The following RPA1 variants were observed in gnomAD, a reference collection of about 807,000 sequenced individuals.
RPA1 encodes the protein replication protein A1.
In RPA1, 49 loss-of-function variants were observed where a neutral mutation model predicts 83.0. That is an observed-to-expected ratio of 0.59 (90% confidence interval 0.47 to 0.75). RPA1 has a LOEUF of 0.75. RPA1 is among the 30% of genes least tolerant of loss of function. The pLI is 0.00. For synonymous variants in RPA1, 279 were observed against 281.8 expected, an observed-to-expected ratio of 0.99 and a Z score of 0.10; for missense variants, 693 against 776.1, an observed-to-expected ratio of 0.89 and a Z score of 1.27.
chr17:1,853,853 C>G (rs1238281325), intron 5 of RPA1, among the ~76,000 whole-genome samples: 24 of 152,188 alleles, frequency 1.6e-4, no homozygotes, highest in Admixed American at 1.6e-3. Context: ...AGCATGCAGT[C>G]TATACTCCTG....
intron 1 of RPA1, among the ~76,000 whole-genome samples, chr17:1,832,984 T>A (rs1421025057): frequency 1.3e-5 from 2 of 152,206 alleles, no homozygotes; most frequent in African/African-American, 4.8e-5. Flanking sequence ...TGGAGTGCAG[T>A]GGCACATTCT....
chr17:1,859,657 A>G (rs1912864366), intron 5 of RPA1, among the ~76,000 whole-genome samples: 1 of 152,090 alleles, frequency 6.6e-6, no homozygotes, highest in Non-Finnish European at 1.5e-5. Flanking sequence ...TAGAGACAAC[A>G]TCTTGCTCTG....
In RPA1 at chr17:1,859,786, A is replaced by G. The variant is rs148821523; in HGVS notation, c.361+6597A>G. 1.5e-4 allele frequency among the ~76,000 whole-genome samples: 23 copies of G among 151,974 alleles called. No homozygotes were observed. In the East Asian group the frequency reaches 4.3e-3, roughly 28 times the overall value. On this transcript the variant is annotated intron_variant, in intron 5 of 16. Coordinates refer to ENST00000254719, the MANE Select transcript of RPA1 (RefSeq NM_002945.5). Reference sequence around the variant, plus strand: ...GCTGGGACTACAGGCATGTGCCACCACGCCCAGCTAATTTTATTTTGTTTT... The same window carrying G: ...GCTGGGACTACAGGCATGTGCCACCGCGCCCAGCTAATTTTATTTTGTTTT...
intron 15 of RPA1, among the ~76,000 whole-genome samples, chr17:1,893,209 C>G (rs1399695655): frequency 6.6e-6 from 1 of 152,150 alleles, no homozygotes; most frequent in Non-Finnish European, 1.5e-5. Context: ...TTTACCTGGT[C>G]TTCAATTTTC....
rs1209155992 is a variant in RPA1 at position 1,874,582 on chromosome 17, G to A, written c.455-1079G>A. On this transcript the variant is annotated intron_variant, in intron 6 of 16. Coordinates refer to ENST00000254719, the MANE Select transcript of RPA1 (RefSeq NM_002945.5). ...TGAACTGGATGTGTACTGAGGAGAA[G>A]CTACCCAGCATGAAATAGATTGGAT... is the stretch of plus-strand genomic sequence containing the variant. 3.9e-5 allele frequency among the ~76,000 whole-genome samples: 6 copies of A among 152,198 alleles called. No individual in the cohort carries two copies. The South Asian group carries it at 1.2e-3, about 31-fold the overall frequency.
chr17:1,830,255 G>A, intron 1 of RPA1, 129 bp downstream of exon 1: 1 of 624,812 alleles, frequency 1.6e-6, no homozygotes, highest in Non-Finnish European at 2.3e-6. Flanking sequence ...GGCGGGGGGC[G>A]GTGGGGACCC....
At position 1,879,038 on chromosome 17, in the gene RPA1, T is replaced by C; in HGVS notation, c.736T>C (p.Phe246Leu). Residue 246 changes from phenylalanine (F) to leucine (L), a missense_variant, in exon 9 of 17, where the codon TTT becomes CTT. By Grantham distance (22) the Phe-to-Leu change is conservative. Coordinates refer to ENST00000254719, the MANE Select transcript of RPA1 (RefSeq NM_002945.5). ...TTTCAATGAGCAAGTGGACAAGTTC[T>C]TTCCTCTTATTGAAGTGAACAAGGT... ...TAFNEQVDKF[F>L]PLIEVNKVYY... is the part of the protein sequence containing the mutation. The C allele has an allele frequency of 2.5e-6, 4 of 1,614,228 alleles. No individual in the cohort carries two copies. Among genetic ancestry groups the C allele is most frequent in the South Asian group, 1.1e-5 (1 of 91,078 alleles).
At position 1,888,705 on chromosome 17, in the gene RPA1, G is replaced by A. The variant is rs1914088660; in HGVS notation, c.1405G>A (p.Val469Met). The A allele has an allele frequency of 6.2e-7, 1 of 1,613,998 alleles. No homozygotes were observed. The highest frequency in any genetic ancestry group is 1.1e-5 in the South Asian group (1 of 91,078). Reference sequence around the variant, plus strand: ...CTACTTTAGTTCTGTGGCCACAGTGGTGTATCTTCGCAAAGAGAACTGCAT... The same window carrying A: ...CTACTTTAGTTCTGTGGCCACAGTGATGTATCTTCGCAAAGAGAACTGCAT... ...PDYFSSVATV[V>M]YLRKENCMYQ... The change falls in exon 14 of 17, where the codon GTG (valine) becomes ATG (methionine). Residue 469 changes from valine (V) to methionine (M), a missense_variant. Val to Met is a conservative substitution (Grantham distance 21). Transcript: ENST00000254719.
At chr17:1,831,358 C>T (rs1179175684) in intron 1 of RPA1, among the ~76,000 whole-genome samples, 1 of 152,118 alleles carries the variant, frequency 6.6e-6, no homozygotes, top group East Asian at 1.9e-4. Flanking sequence ...TCCAGTCCCT[C>T]ACGAAGTGAA....
intron 1 of RPA1, 127 bp downstream of exon 1, chr17:1,830,253 GCGGT>G: frequency 3.0e-6 from 2 of 660,146 alleles, no homozygotes; most frequent in East Asian, 3.5e-5. Context: ...ATGGCGGGGG[GCGGT>G]GGGGACCCGC....
At chr17:1,834,541 T>A (rs1486980991) in intron 1 of RPA1, among the ~76,000 whole-genome samples, 1 of 152,202 alleles carries the variant, frequency 6.6e-6, no homozygotes, top group Non-Finnish European at 1.5e-5. Context: ...CCACAAAGGG[T>A]ACGCAAATAC....
Position 1,879,387 on chromosome 17 carries a change from A to G in RPA1, c.932A>G (p.Lys311Arg), listed in dbSNP as rs1348815994. Reference protein sequence around the residue: ...DFTGIDDLENKSKDSLVDIIG... With the variant: ...DFTGIDDLENRSKDSLVDIIG... Reference sequence around the variant, plus strand: ...ACGGGGATTGATGACCTCGAGAACAAGTCGAAAGACTCACTTGTAGGTAAG... The same window carrying G: ...ACGGGGATTGATGACCTCGAGAACAGGTCGAAAGACTCACTTGTAGGTAAG... Residue 311 changes from lysine to arginine, a missense_variant, in exon 10 of 17, where the codon AAG (lysine) becomes AGG (arginine). Lys to Arg is a conservative substitution (Grantham distance 26, BLOSUM62 2). Transcript: ENST00000254719. The G allele has an allele frequency of 6.2e-7, 1 of 1,614,042 alleles. No homozygotes were observed. Among genetic ancestry groups the G allele is most frequent in the African/African-American group, 1.3e-5 (1 of 74,914 alleles).
intron 1 of RPA1, among the ~76,000 whole-genome samples, chr17:1,837,679 C>A (rs982397682): frequency 6.6e-6 from 1 of 152,116 alleles, no homozygotes; most frequent in Non-Finnish European, 1.5e-5. Context: ...TGGCTAGTGA[C>A]GTTGAGCATC....
At chr17:1,869,580 A>C (rs929826454) in intron 5 of RPA1, among the ~76,000 whole-genome samples, 1 of 152,086 alleles carries the variant, frequency 6.6e-6, no homozygotes, top group African/African-American at 2.4e-5. Context: ...GGTCAAAGCC[A>C]GTGATATGTA....
At chr17:1,887,607 G>C (rs1338993281) in intron 13 of RPA1, among the ~76,000 whole-genome samples, 1 of 151,102 alleles carries the variant, frequency 6.6e-6, no homozygotes, top group South Asian at 2.1e-4. Flanking sequence ...ATGAAAAAGG[G>C]CCAGGCATGG....
chr17:1,849,375 C>T (rs1416156370), intron 4 of RPA1, among the ~76,000 whole-genome samples: 7 of 145,874 alleles, frequency 4.8e-5, no homozygotes, highest in Non-Finnish European at 7.4e-5. Flanking sequence ...TCACTGCAAG[C>T]TCCGCCTCCC....
intron 12 of RPA1, among the ~76,000 whole-genome samples, chr17:1,881,315 G>A (rs1597453131): frequency 6.6e-6 from 1 of 152,134 alleles, no homozygotes; most frequent in African/African-American, 2.4e-5. Context: ...TTTCACCCAA[G>A]CTTCAATAAT....
Position 1,843,938 on chromosome 17 carries a change from A to G in RPA1, c.103A>G (p.Thr35Ala). Residue 35 changes from threonine (T) to alanine (A), a missense_variant, in exon 3 of 17, where the codon ACG becomes GCG. By Grantham distance (58) the Thr-to-Ala change is moderately conservative (BLOSUM62 0). Transcript: ENST00000254719. ...LQVINIRPIT[T>A]GNSPPRYRLL... ...GTCCTAGAACATCCGTCCCATTACT[A>G]CGGGGAATAGTCCGCCGCGTTATCG... 1 of 1,613,912 alleles carries G rather than the reference A, an allele frequency of 6.2e-7. No homozygotes were observed. The highest frequency in any genetic ancestry group is 8.5e-7 in the Non-Finnish European group (1 of 1,179,910).
intron 5 of RPA1, chr17:1,858,505 C>T: frequency 1.1e-6 from 1 of 949,386 alleles, no homozygotes; most frequent in Non-Finnish European, 1.7e-6. Flanking sequence ...GCTCTGTCAC[C>T]CAGGCTAGAG....
Sources: gnomAD v4.1 joint callset for allele counts (sites outside exome capture counted in the v4.1 genomes callset) on GRCh38, gnomAD v4.1.1 for gene constraint, MANE v1.5 for transcripts, NCBI Gene and HGNC (gene_info 2026-07-23, HGNC 2026-07-21) for gene names.